The following TSPAN9 variants were observed in gnomAD, a reference collection of about 807,000 sequenced individuals.
TSPAN9 encodes tetraspanin-9.
TSPAN9 carries 16 observed loss-of-function variants against 31.0 expected under a neutral mutation model. The ratio of observed to expected loss-of-function variants is 0.52; its 90% CI spans 0.35 to 0.78. The LOEUF (loss-of-function observed/expected upper bound fraction) is 0.78, where lower values mean the gene tolerates loss of function less well. Among genes scored for constraint, TSPAN9 ranks in the 30% least tolerant of loss-of-function variants. The pLI is 0.01. For missense variants in TSPAN9, 272 were observed against 312.5 expected (o/e 0.87, Z 0.98); for synonymous variants, 145 against 121.6 (o/e 1.19, Z -1.27).
intron 3 of TSPAN9, among the ~76,000 whole-genome samples, chr12:3,246,915 G>A (rs375775215): frequency 7.9e-5 from 12 of 152,324 alleles, no homozygotes; most frequent in African/African-American, 2.4e-4. Context: ...TCAGGGGATA[G>A]TGGCGTCCTG....
At chr12:3,176,068 TC>T (rs2098355388) in intron 2 of TSPAN9, among the ~76,000 whole-genome samples, 1 of 152,202 alleles carries the variant, frequency 6.6e-6, no homozygotes, top group Admixed American at 6.5e-5. Flanking sequence ...CTGTGGGTGC[TC>T]CCTACCTGAA....
chr12:3,179,359 C>T (rs79808563), intron 2 of TSPAN9, among the ~76,000 whole-genome samples: 7 of 152,130 alleles, frequency 4.6e-5, no homozygotes, highest in Admixed American at 4.6e-4. Context: ...CACCTGTTCC[C>T]GTCTTTAACA....
At chr12:3,152,615 T>C (rs1170869325) in intron 2 of TSPAN9, among the ~76,000 whole-genome samples, 1 of 152,148 alleles carries the variant, frequency 6.6e-6, no homozygotes, top group Admixed American at 6.5e-5. Context: ...AGACGGAGTC[T>C]CGCTCTGTTG....
intron 3 of TSPAN9, among the ~76,000 whole-genome samples, chr12:3,245,649 A>G (rs542355212): frequency 2.6e-5 from 4 of 152,294 alleles, no homozygotes; most frequent in Admixed American, 2.0e-4. Flanking sequence ...CCACCAAAAC[A>G]GTCATAAGAG....
chr12:3,112,427 C>CA (rs2153965478), intron 2 of TSPAN9, among the ~76,000 whole-genome samples: 1 of 152,026 alleles, frequency 6.6e-6, no homozygotes, highest in African/African-American at 2.4e-5. Context: ...CCTCCTGCCT[C>CA]AGCCTCCCAA....
chr12:3,158,330 ACT>A (rs754384535), intron 2 of TSPAN9, among the ~76,000 whole-genome samples: 2 of 151,638 alleles, frequency 1.3e-5, no homozygotes, highest in African/African-American at 4.9e-5. Flanking sequence ...GTCATGTCAC[ACT>A]CCCTTTTCCT....
At chr12:3,279,165 T>G (rs1369331012) in intron 5 of TSPAN9, 99 bp downstream of exon 5, 1 of 1,078,122 alleles carries the variant, frequency 9.3e-7, no homozygotes. Flanking sequence ...GGAAGAGTGC[T>G]GGCAAGCAGC....
At position 3,280,082 on chromosome 12, in the gene TSPAN9, C is replaced by T. The variant is rs1205267761; in HGVS notation, c.331-300C>T. On this transcript the variant is annotated intron_variant, in intron 5 of 8. Coordinates refer to ENST00000011898, the MANE Select transcript of TSPAN9 (RefSeq NM_006675.5). The surrounding 1 kb of genome is among the most constrained non-coding windows in gnomAD (Gnocchi z 4.5). ...GTCCTGGGATGGGGGAGTGGAGGCA[C>T]GTGGTGTGTTTTTTTGCCTCTGGGT... Among the ~76,000 whole-genome samples the T allele has an allele frequency of 5.9e-5, 9 of 152,006 alleles. No individual in the cohort carries two copies. The South Asian group carries it at 1.9e-3, about 32-fold the overall frequency.
chr12:3,248,992 A>C (rs1434987060), intron 3 of TSPAN9, among the ~76,000 whole-genome samples: 1 of 151,962 alleles, frequency 6.6e-6, no homozygotes, highest in African/African-American at 2.4e-5. Context: ...GTTCCTGTGC[A>C]TTTTTACTGC....
At chr12:3,100,771 CCTTA>C (rs1490903925) in intron 2 of TSPAN9, among the ~76,000 whole-genome samples, 1 of 152,284 alleles carries the variant, frequency 6.6e-6, no homozygotes, top group Middle Eastern at 3.4e-3. Context: ...GTTCTTTTCC[CCTTA>C]CTTAATTTAT....
In TSPAN9 at chr12:3,216,859, C is replaced by A. The variant is rs563048454; in HGVS notation, c.63+15603C>A. 6.6e-5 allele frequency among the ~76,000 whole-genome samples: 10 copies of A among 152,334 alleles called. No homozygotes were observed. The South Asian group carries it at 2.1e-3, about 32-fold the overall frequency. ...TCATCTCTAGCCTTCAGACACAGAT[C>A]CCCAAGGCCCCTGCTTTGGAGGGCT... On this transcript the variant is annotated intron_variant, in intron 3 of 8. Coordinates refer to ENST00000011898, the MANE Select transcript of TSPAN9 (RefSeq NM_006675.5).
At chr12:3,234,035 G>T (rs923447081) in intron 3 of TSPAN9, among the ~76,000 whole-genome samples, 2 of 152,226 alleles carry the variant, frequency 1.3e-5, no homozygotes, top group Non-Finnish European at 2.9e-5. Context: ...TGGAGCTTGT[G>T]TAAACGTGGG....
At chr12:3,271,467 G>T (rs950129760) in intron 3 of TSPAN9, among the ~76,000 whole-genome samples, 1 of 151,768 alleles carries the variant, frequency 6.6e-6, no homozygotes, top group South Asian at 2.1e-4. Flanking sequence ...GCAAAACTAG[G>T]ATTGATGCAT....
chr12:3,118,947 G>A (rs569198328), intron 2 of TSPAN9, among the ~76,000 whole-genome samples: 18 of 152,314 alleles, frequency 1.2e-4, no homozygotes, highest in East Asian at 9.7e-4. Context: ...AGCTGTGGGC[G>A]CAGGACCGAG....
intron 2 of TSPAN9, among the ~76,000 whole-genome samples, chr12:3,135,866 G>A (rs1393948032): frequency 6.6e-6 from 1 of 152,198 alleles, no homozygotes; most frequent in East Asian, 1.9e-4. Flanking sequence ...TTGAGAAGCG[G>A]CTGTCTCAGC....
At chr12:3,270,110 A>C (rs763142552) in intron 3 of TSPAN9, among the ~76,000 whole-genome samples, 4 of 152,042 alleles carry the variant, frequency 2.6e-5, no homozygotes, top group Non-Finnish European at 5.9e-5. Context: ...TCGGCCCTAC[A>C]CCGGGCCCCC....
intron 2 of TSPAN9, among the ~76,000 whole-genome samples, chr12:3,135,653 C>G (rs1019089730): frequency 6.6e-6 from 1 of 152,092 alleles, no homozygotes; most frequent in African/African-American, 2.4e-5. Flanking sequence ...TAGATGGCAG[C>G]AGGAAACCTA....
At chr12:3,184,484 T>C (rs2098360133) in intron 2 of TSPAN9, among the ~76,000 whole-genome samples, 1 of 152,090 alleles carries the variant, frequency 6.6e-6, no homozygotes, top group Non-Finnish European at 1.5e-5. Context: ...GTCCAAGGAA[T>C]GTCCCTCTTC....
chr12:3,080,588 G>C (rs559685715), intron 1 of TSPAN9, among the ~76,000 whole-genome samples: 1 of 152,000 alleles, frequency 6.6e-6, no homozygotes, highest in African/African-American at 2.4e-5. Context: ...CACCCTCCTC[G>C]GCCCCAAAAA....
Sources: allele counts gnomAD v4.1 joint callset (sites outside exome capture counted in the v4.1 genomes callset), GRCh38; gene constraint gnomAD v4.1.1; non-coding constraint Gnocchi (gnomAD v3.1); transcripts MANE v1.5; gene names NCBI Gene and HGNC (gene_info 2026-07-23, HGNC 2026-07-21).